USH2A: variants seen among roughly 807,000 people sequenced by gnomAD.
USH2A encodes usherin, also known as Usher syndrome 2A (autosomal recessive, mild).
USH2A carries 443 observed loss-of-function variants against 538.9 expected under a neutral mutation model. The observed-to-expected ratio is 0.82, with a 90% CI of 0.76 to 0.89. The LOEUF (loss-of-function observed/expected upper bound fraction) is 0.89, where lower values mean the gene tolerates loss of function less well. Among genes scored for constraint, USH2A ranks in the 40% least tolerant of loss-of-function variants. The probability of loss-of-function intolerance (pLI) is 0.00; values close to 1 mark genes in which losing one functional copy is unlikely to be tolerated. For synonymous variants in USH2A, 2,413 were observed against 2,273.5 expected (o/e 1.06, Z -1.75); for missense variants, 6,633 against 6,324.8 (o/e 1.05, Z -1.65).
Position 216,078,211 on chromosome 1 carries a change from T to C in USH2A, c.5450A>G (p.Asn1817Ser). The change falls in exon 27 of 72, where the codon AAT (asparagine) becomes AGT (serine). Residue 1817 changes from asparagine to serine, a missense_variant. Transcript: ENST00000307340. ...CTCCGATGCATGCTTCATCAGTCCA[T>C]TCACACTTGCTGATATGAAAGAGCC... ...KEGSFISASV[N>S]GLMKHASESG... The C allele has an allele frequency of 6.2e-7, 1 of 1,613,868 alleles. No homozygotes were observed. The highest frequency in any genetic ancestry group is 8.5e-7 in the Non-Finnish European group (1 of 1,179,802).
chr1:216,018,222 G>A (rs897626709), intron 32 of USH2A, among the ~76,000 whole-genome samples: 1 of 152,204 alleles, frequency 6.6e-6, no homozygotes, highest in African/African-American at 2.4e-5. Context: ...CAAGGGAGAA[G>A]ATGGCACACT....
chr1:215,714,781 TA>T (rs1659435167), intron 61 of USH2A, among the ~76,000 whole-genome samples: 1 of 152,222 alleles, frequency 6.6e-6, no homozygotes, highest in African/African-American at 2.4e-5. Flanking sequence ...TGTGCAGTTT[TA>T]GAGAATAAAA....
At chr1:215,681,016 A>T (rs574194319) in intron 61 of USH2A, among the ~76,000 whole-genome samples, 4 of 152,330 alleles carry the variant, frequency 2.6e-5, no homozygotes, top group African/African-American at 9.6e-5. Flanking sequence ...TCATTTGTTA[A>T]AAGCACCATA....
chr1:216,308,739 T>C lies in USH2A; in HGVS notation c.1644+13144A>G, dbSNP rs372016563. Among the ~76,000 whole-genome samples the C allele has an allele frequency of 5.1e-4, 78 of 152,324 alleles. 2 individuals carry two copies. The East Asian group carries it at 9.2e-3, about 18-fold the overall frequency. ...TCTGCTTTATACTTTTGAAACTATA[T>C]TATGAGATGCATGTAAACTTAGAAT... is the stretch of plus-strand genomic sequence containing the variant. On this transcript the variant is annotated intron_variant, in intron 9 of 71. Coordinates refer to ENST00000307340, the MANE Select transcript of USH2A (RefSeq NM_206933.4).
intron 61 of USH2A, among the ~76,000 whole-genome samples, chr1:215,689,465 C>A (rs1295878407): frequency 1.3e-5 from 2 of 152,230 alleles, no homozygotes; most frequent in Non-Finnish European, 2.9e-5. Context: ...GTGACCCCTG[C>A]AATGAATCAT....
At chr1:215,914,994 T>C (rs1365039348) in intron 38 of USH2A, among the ~76,000 whole-genome samples, 2 of 152,150 alleles carry the variant, frequency 1.3e-5, no homozygotes, top group African/African-American at 4.8e-5. Flanking sequence ...ATAAGCACAC[T>C]ACAATGTCAG....
chr1:216,085,709 T>A (rs923870925), intron 24 of USH2A, among the ~76,000 whole-genome samples: 1 of 149,286 alleles, frequency 6.7e-6, no homozygotes, highest in Non-Finnish European at 1.5e-5. Flanking sequence ...AAACAAAGGC[T>A]GTGTACGTGA....
At chr1:216,386,545 A>AC (rs1226617746) in intron 3 of USH2A, among the ~76,000 whole-genome samples, 2 of 115,896 alleles carry the variant, frequency 1.7e-5, no homozygotes, top group African/African-American at 1.1e-4. Flanking sequence ...AAAAAACTAT[A>AC]TATATATATA....
chr1:215,936,349 C>T (rs1252912426), intron 37 of USH2A, among the ~76,000 whole-genome samples: 3 of 152,020 alleles, frequency 2.0e-5, no homozygotes, highest in African/African-American at 7.2e-5. Flanking sequence ...TATTTTAACA[C>T]AGTTTAGTAG....
chr1:215,919,312 G>A (rs1397312238), intron 38 of USH2A, among the ~76,000 whole-genome samples: 1 of 152,074 alleles, frequency 6.6e-6, no homozygotes, highest in Non-Finnish European at 1.5e-5. Context: ...CAACTACTAT[G>A]TGTACTGCAT....
At chr1:216,296,682 G>C (rs1355886508) in intron 9 of USH2A, among the ~76,000 whole-genome samples, 1 of 151,936 alleles carries the variant, frequency 6.6e-6, no homozygotes, top group Non-Finnish European at 1.5e-5. Flanking sequence ...GTGATGATTT[G>C]CAATAAAAAC....
At position 215,789,691 on chromosome 1, in the gene USH2A, T is replaced by C. The variant is rs557169569; in HGVS notation, c.10182+368A>G. 9.9e-5 allele frequency among the ~76,000 whole-genome samples: 15 copies of C among 152,242 alleles called. No individual in the cohort carries two copies. The South Asian group carries it at 3.1e-3, about 32-fold the overall frequency. ...AAGTGGTGGATGATGGCTGGCGGGC[T>C]AGGGAGAAGAAGCGGGAATTTCCTC... On this transcript the variant is annotated intron_variant, in intron 51 of 71. Coordinates refer to ENST00000307340, the MANE Select transcript of USH2A (RefSeq NM_206933.4).
At chr1:215,878,632 G>C in intron 42 of USH2A, 132 bp downstream of exon 42, 1 of 852,976 alleles carries the variant, frequency 1.2e-6, no homozygotes, top group Non-Finnish European at 1.9e-6. Flanking sequence ...GTGTATGAAA[G>C]TTATGAGTCA....
intron 9 of USH2A, among the ~76,000 whole-genome samples, chr1:216,320,543 CA>C (rs1396353205): frequency 6.6e-6 from 1 of 151,986 alleles, no homozygotes; most frequent in African/African-American, 2.4e-5. Flanking sequence ...AAATTTTCCC[CA>C]AAACTATTGT....
intron 24 of USH2A, among the ~76,000 whole-genome samples, chr1:216,085,391 G>C (rs1478513322): frequency 1.3e-5 from 2 of 151,952 alleles, no homozygotes; most frequent in South Asian, 2.1e-4. Flanking sequence ...TATAAATACA[G>C]TGAATAGGGT....
At chr1:215,761,407 C>T (rs1188930287) in intron 56 of USH2A, among the ~76,000 whole-genome samples, 7 of 152,118 alleles carry the variant, frequency 4.6e-5, no homozygotes, top group Admixed American at 4.6e-4. Flanking sequence ...ACATCATAAT[C>T]AAATTCTTTC....
At chr1:216,036,107 G>A (rs1334731164) in intron 32 of USH2A, among the ~76,000 whole-genome samples, 1 of 151,998 alleles carries the variant, frequency 6.6e-6, no homozygotes, top group African/African-American at 2.4e-5. Context: ...GGTCATCTAT[G>A]GTATTGGCTA....
At chr1:216,206,448 C>T (rs776650365) in intron 16 of USH2A, among the ~76,000 whole-genome samples, 6 of 152,168 alleles carry the variant, frequency 3.9e-5, no homozygotes, top group African/African-American at 4.8e-5. Context: ...CTAGATCCCT[C>T]GCATGCACAG....
intron 9 of USH2A, 128 bp downstream of exon 9, chr1:216,321,755 G>A: frequency 1.2e-6 from 1 of 805,542 alleles, no homozygotes; most frequent in Non-Finnish European, 2.0e-6. Flanking sequence ...TGCAATAATT[G>A]ACATTTTAAG....
Sources: gnomAD v4.1 joint callset for allele counts (sites outside exome capture counted in the v4.1 genomes callset) on GRCh38, gnomAD v4.1.1 for gene constraint, MANE v1.5 for transcripts, NCBI Gene and HGNC (gene_info 2026-07-23, HGNC 2026-07-21) for gene names.